The following FILIP1L variants were observed in gnomAD, a reference collection of about 807,000 sequenced individuals.
The protein encoded by FILIP1L is filamin A interacting protein 1 like.
A neutral mutation model predicts 96.6 loss-of-function variants in FILIP1L; 55 were observed. That is an observed-to-expected ratio of 0.57 (90% CI 0.46 to 0.71). FILIP1L has a LOEUF of 0.71. FILIP1L is among the 30% of genes least tolerant of loss of function. The pLI is 0.00. For synonymous variants in FILIP1L, 467 were observed against 473.9 expected (o/e 0.99, Z 0.19); for missense variants, 1,304 against 1,321.2 (o/e 0.99, Z 0.20).
intron 1 of FILIP1L, among the ~76,000 whole-genome samples, chr3:99,983,385 A>AT (rs1709187098): frequency 4.6e-4 from 39 of 84,042 alleles, no homozygotes; most frequent in African/African-American, 2.3e-3. Context: ...AAAATAAATA[A>AT]ATAAATATAT....
intron 1 of FILIP1L, among the ~76,000 whole-genome samples, chr3:100,012,731 G>T (rs937278020): frequency 6.7e-6 from 1 of 149,254 alleles, no homozygotes; most frequent in Non-Finnish European, 1.5e-5. Flanking sequence ...CACTAGTGAT[G>T]GATTGATTTC....
intron 1 of FILIP1L, among the ~76,000 whole-genome samples, chr3:99,997,072 C>A (rs1369309704): frequency 1.3e-5 from 2 of 152,044 alleles, no homozygotes; most frequent in Non-Finnish European, 2.9e-5. Context: ...CCTAACATCA[C>A]AAACTAAACC....
intron 4 of FILIP1L, among the ~76,000 whole-genome samples, chr3:99,909,615 C>T (rs1419173688): frequency 6.6e-6 from 1 of 152,054 alleles, no homozygotes; most frequent in Non-Finnish European, 1.5e-5. Flanking sequence ...AAAATCTTTG[C>T]ATAAAGAAAT....
chr3:100,021,948 TGTGTGTGTGTGTGAGAGAGAGAGAGA>T (rs1240843699), intron 1 of FILIP1L, among the ~76,000 whole-genome samples: 1 of 129,566 alleles, frequency 7.7e-6, no homozygotes, highest in African/African-American at 2.8e-5. Flanking sequence ...TGTGTGTGTG[TGTGTGTGTGTGTGAGAGAGAGAGAGA>T]GAGAGAGAGA....
chr3:100,071,238 TACTC>T (rs1044115550), intron 1 of FILIP1L, among the ~76,000 whole-genome samples: 15 of 152,154 alleles, frequency 9.9e-5, no homozygotes, highest in African/African-American at 3.4e-4. Flanking sequence ...GATTTTCTCT[TACTC>T]ACTTCATCTC....
At chr3:99,847,806 G>T (rs1400137324) in intron 5 of FILIP1L, 2 of 278,934 alleles carry the variant, frequency 7.2e-6, no homozygotes, top group Non-Finnish European at 1.1e-5. Context: ...ACCATAAATG[G>T]GACATAGGTC....
At chr3:100,049,315 C>T (rs989765121) in intron 1 of FILIP1L, among the ~76,000 whole-genome samples, 1 of 152,100 alleles carries the variant, frequency 6.6e-6, no homozygotes, top group Non-Finnish European at 1.5e-5. Flanking sequence ...TAGACTATTG[C>T]TCTTCTAGCT....
At chr3:100,075,182 G>A (rs905593185) in intron 1 of FILIP1L, among the ~76,000 whole-genome samples, 2 of 152,154 alleles carry the variant, frequency 1.3e-5, no homozygotes, top group Non-Finnish European at 2.9e-5. Context: ...AACCAGAAAT[G>A]ATCAACCTGA....
chr3:99,850,547 T>G lies in FILIP1L; in HGVS notation c.1129A>C (p.Lys377Gln). 1 of 1,613,806 alleles carries G rather than the reference T, an allele frequency of 6.2e-7. No individual in the cohort carries two copies. Among genetic ancestry groups the G allele is most frequent in the Non-Finnish European group, 8.5e-7 (1 of 1,179,986 alleles). ...GIMAEVEELR[K>Q]RVLDMEGKDE... is the part of the protein sequence containing the mutation. ...TTCCCTTCCATATCTAGCACACGTT[T>G]CCTGAGCTCTTCCACTTCAGCCATG... Residue 377 changes from lysine to glutamine, a missense_variant, in exon 5 of 6, where the codon AAA becomes CAA. Lys to Gln is a moderately conservative substitution (Grantham distance 53). Transcript: ENST00000477258.
At position 99,849,987 on chromosome 3, in the gene FILIP1L, C is replaced by T. The variant is rs1553688540; in HGVS notation, c.1689G>A (p.Glu563=). The change falls in exon 5 of 6, where the codon GAG becomes GAA. Residue 563 remains glutamate (E), a synonymous_variant. Transcript: ENST00000477258. ...TCAATTTGTTTTTTAAATCATCTCT[C>T]TCCTTGGTTACGCTGTACATCTTTT... The part of the protein sequence containing the change: ...VEEKMYSVTK[E]RDDLKNKLKA... 2 of 1,612,062 alleles carry T rather than the reference C, an allele frequency of 1.2e-6. No individual in the cohort carries two copies. Among genetic ancestry groups the T allele is most frequent in the East Asian group, 4.5e-5 (2 of 44,858 alleles).
chr3:99,949,522 G>A (rs1394935290), intron 1 of FILIP1L, among the ~76,000 whole-genome samples: 2 of 152,142 alleles, frequency 1.3e-5, no homozygotes, highest in African/African-American at 2.4e-5. Flanking sequence ...CTCGCAGTAC[G>A]TTTTATCAGT....
At chr3:99,870,568 A>G (rs1944737761) in intron 4 of FILIP1L, among the ~76,000 whole-genome samples, 1 of 152,176 alleles carries the variant, frequency 6.6e-6, no homozygotes, top group South Asian at 2.1e-4. Context: ...GCTAGTAGCT[A>G]TAGCTGGGTT....
chr3:99,872,319 G>GTGTTT (rs1372853806), intron 4 of FILIP1L, among the ~76,000 whole-genome samples: 3 of 148,912 alleles, frequency 2.0e-5, no homozygotes, highest in African/African-American at 7.5e-5. Flanking sequence ...GTGTGTGTGT[G>GTGTTT]TGTGACTGTG....
At chr3:99,922,880 G>T (rs188861821) in intron 4 of FILIP1L, among the ~76,000 whole-genome samples, 21 of 152,052 alleles carry the variant, frequency 1.4e-4, no homozygotes, top group Admixed American at 1.4e-3. Context: ...TTCTTATTTT[G>T]TTTTTTAAAG....
At chr3:99,997,246 A>G (rs1709710602) in intron 1 of FILIP1L, among the ~76,000 whole-genome samples, 1 of 152,246 alleles carries the variant, frequency 6.6e-6, no homozygotes, top group Non-Finnish European at 1.5e-5. Context: ...GAAGGTCCAA[A>G]TAAAAATCAG....
intron 1 of FILIP1L, among the ~76,000 whole-genome samples, chr3:100,035,692 A>G (rs2065096396): frequency 6.6e-6 from 1 of 152,228 alleles, no homozygotes; most frequent in African/African-American, 2.4e-5. Context: ...ATTCTGATAT[A>G]GGGGTATTTC....
chr3:99,912,187 A>G (rs1484317818), intron 4 of FILIP1L, among the ~76,000 whole-genome samples: 1 of 152,224 alleles, frequency 6.6e-6, no homozygotes, highest in Non-Finnish European at 1.5e-5. Context: ...ATACTGATAC[A>G]TGTTACAACA....
chr3:100,030,215 T>C (rs2065000609), intron 1 of FILIP1L, among the ~76,000 whole-genome samples: 1 of 152,146 alleles, frequency 6.6e-6, no homozygotes, highest in South Asian at 2.1e-4. Flanking sequence ...TTTTCTCTAC[T>C]CTTTTTGGGC....
intron 1 of FILIP1L, among the ~76,000 whole-genome samples, chr3:100,037,028 CAA>C: frequency 6.6e-6 from 1 of 152,070 alleles, no homozygotes; most frequent in East Asian, 1.9e-4. Flanking sequence ...TAAAAGAAAC[CAA>C]AGAGACATAA....
Sources: gnomAD v4.1 joint callset for allele counts (sites outside exome capture counted in the v4.1 genomes callset) on GRCh38, gnomAD v4.1.1 for gene constraint, MANE v1.5 for transcripts, NCBI Gene and HGNC (gene_info 2026-07-23, HGNC 2026-07-21) for gene names.